SLC12A7: variants seen among roughly 807,000 people sequenced by gnomAD.
SLC12A7 encodes solute carrier family 12 member 7, also known as K-Cl cotransporter 4.
SLC12A7 carries 100 observed loss-of-function variants against 120.6 expected under a neutral mutation model. The ratio of observed to expected loss-of-function variants is 0.83; its 90% CI spans 0.71 to 0.98. The LOEUF (loss-of-function observed/expected upper bound fraction) is 0.98. SLC12A7 is among the 50% of genes least tolerant of loss of function. The pLI is 0.00. For missense variants in SLC12A7, 1,373 were observed against 1,548.1 expected (o/e 0.89, Z 1.90); for synonymous variants, 760 against 678.0 (o/e 1.12, Z -1.88).
intron 20 of SLC12A7, 44 bp from the exon 21 acceptor site, chr5:1,060,495 C>T (rs746611184): frequency 1.4e-6 from 2 of 1,441,754 alleles, no homozygotes; most frequent in Non-Finnish European, 2.0e-6. Flanking sequence ...GTGCACAGAA[C>T]CACGGATGGC....
chr5:1,149,783 C>T, the SLC12A7 span, among the ~76,000 whole-genome samples: 1 of 152,098 alleles, frequency 6.6e-6, no homozygotes, highest in Non-Finnish European at 1.5e-5. Flanking sequence ...TATCCCAGCA[C>T]TTTGGGAGGC....
chr5:1,076,132 C>T lies in SLC12A7; in HGVS notation c.1847+6G>A, dbSNP rs749306863. 2 of 1,607,814 alleles carry T rather than the reference C, an allele frequency of 1.2e-6. No individual in the cohort carries two copies. Among genetic ancestry groups the T allele is most frequent in the South Asian group, 2.2e-5 (2 of 90,036 alleles). On this transcript the variant is annotated splice_donor_region_variant and intron_variant, in intron 14 of 23. Transcript: ENST00000264930. ...GGCTCCTCACGCCCGTGCTGAGTGG[C>T]CTCACCAGTGGTAGAACTTGAAGCG...
chr5:1,079,986 G>A (rs1201282947), intron 9 of SLC12A7, among the ~76,000 whole-genome samples: 4 of 152,196 alleles, frequency 2.6e-5, no homozygotes, highest in Non-Finnish European at 2.9e-5. Context: ...CCACACAATC[G>A]GCTCCTACAA....
At chr5:1,091,861 A>G (rs1413137666) in intron 3 of SLC12A7, among the ~76,000 whole-genome samples, 1 of 151,766 alleles carries the variant, frequency 6.6e-6, no homozygotes, top group Non-Finnish European at 1.5e-5. Flanking sequence ...GCAACACCCA[A>G]TTCCGCAGCG....
intron 1 of SLC12A7, among the ~76,000 whole-genome samples, chr5:1,096,774 AG>A (rs1561098145): frequency 1.5e-4 from 1 of 6,784 alleles, no homozygotes; most frequent in Non-Finnish European, 3.1e-4. Context: ...GAAAGGAGGG[AG>A]GGGGGGAGGG....
chr5:1,114,547 G>A (rs368645811), upstream of SLC12A7, among the ~76,000 whole-genome samples: 75 of 152,244 alleles, frequency 4.9e-4, no homozygotes, highest in African/African-American at 1.7e-3. Flanking sequence ...AATGTGCGTT[G>A]TGTGACTTTC....
At chr5:1,078,838 T>C (rs865917539) in intron 10 of SLC12A7, 80 bp from the exon 11 acceptor site, 14 of 21,940 alleles carry the variant, frequency 6.4e-4, no homozygotes, top group Admixed American at 2.1e-3. Flanking sequence ...TGGGGTGGGG[T>C]GGGTGGGGAG....
At chr5:1,096,092 A>AAAAAGATCTC (rs1315533887) in intron 1 of SLC12A7, among the ~76,000 whole-genome samples, 2 of 152,238 alleles carry the variant, frequency 1.3e-5, no homozygotes, top group Non-Finnish European at 2.9e-5. Context: ...GTGAGATCTG[A>AAAAAGATCTC]AAAAGATCTC....
At chr5:1,115,362 G>A (rs1327936045), upstream of SLC12A7, among the ~76,000 whole-genome samples, 9 of 152,334 alleles carry the variant, frequency 5.9e-5, no homozygotes, top group South Asian at 4.1e-4. Flanking sequence ...CCAGGAGGCC[G>A]CTCGTGCCCA....
At chr5:1,141,111 G>T in the SLC12A7 span, among the ~76,000 whole-genome samples, 1 of 152,210 alleles carries the variant, frequency 6.6e-6, no homozygotes, top group Admixed American at 6.5e-5. Flanking sequence ...GTGTGTGGCT[G>T]GGCTGCTCCC....
the SLC12A7 span, among the ~76,000 whole-genome samples, chr5:1,153,690 C>T: frequency 2.0e-5 from 3 of 152,224 alleles, no homozygotes; most frequent in South Asian, 6.2e-4. Context: ...GAGAACCCTG[C>T]AGCCCTGACT....
At chr5:1,124,409 G>A in the SLC12A7 span, among the ~76,000 whole-genome samples, 4 of 152,182 alleles carry the variant, frequency 2.6e-5, no homozygotes, top group Admixed American at 6.5e-5. Context: ...ACCATGGGAG[G>A]GTGCTTCCAA....
chr5:1,065,655 A>G (rs2150806203), intron 17 of SLC12A7, among the ~76,000 whole-genome samples, 177 bp from the exon 18 acceptor site: 1 of 152,190 alleles, frequency 6.6e-6, no homozygotes, highest in Non-Finnish European at 1.5e-5. Context: ...GTATGTGTGT[A>G]TGTGCGTGCT....
rs78185827 is a variant in SLC12A7 at position 1,098,816 on chromosome 5, C to T, written c.125-4568G>A. Among the ~76,000 whole-genome samples the T allele has an allele frequency of 8.0e-4, 111 of 138,884 alleles. 14 individuals are homozygous for T. Among genetic ancestry groups the T allele is most frequent in the African/African-American group, 3.5e-3 (103 of 29,832 alleles). 91.1% of individuals were successfully genotyped at this position (138,884 alleles called of 152,430 possible). On this transcript the variant is annotated intron_variant, in intron 1 of 23. Transcript: ENST00000264930. ...CTCTAACCCTCTGCTCACCCAGCCG[C>T]GTCCCTTGCGCTCCCTGGCCTGGAC... is the stretch of plus-strand genomic sequence containing the variant.
At chr5:1,055,489 C>T (rs905967632) in intron 22 of SLC12A7, among the ~76,000 whole-genome samples, 6 of 152,230 alleles carry the variant, frequency 3.9e-5, no homozygotes, top group Non-Finnish European at 7.3e-5. Flanking sequence ...TCCAGATCTT[C>T]GGAGGGCTTC....
rs1734969625 is a variant in SLC12A7, at chr5:1,050,945, G to C, written c.*1415C>G. 1 of 398,674 alleles carries C rather than the reference G, an allele frequency of 2.5e-6. No individual in the cohort carries two copies. Among genetic ancestry groups the C allele is most frequent in the Admixed American group, 4.4e-5 (1 of 22,742 alleles). The allele number at this position is 398,674 out of a possible 1,614,324, so 24.7% of individuals were successfully genotyped here. On this transcript the variant is annotated 3_prime_UTR_variant, in exon 24 of 24. Coordinates refer to ENST00000264930, the MANE Select transcript of SLC12A7 (RefSeq NM_006598.3). ...GGGGCTGATTCCCTTGGGAGACCATGCAAGCCAGACGTAGCCCAAGGCCTG... is the reference window on the plus strand; with the variant it reads ...GGGGCTGATTCCCTTGGGAGACCATCCAAGCCAGACGTAGCCCAAGGCCTG...
chr5:1,077,323 C>T (rs1476882969), intron 12 of SLC12A7, among the ~76,000 whole-genome samples: 1 of 152,218 alleles, frequency 6.6e-6, no homozygotes, highest in Admixed American at 6.5e-5. Flanking sequence ...CTGCCATCCA[C>T]GACCTTCCCA....
chr5:1,120,364 C>T, the SLC12A7 span, among the ~76,000 whole-genome samples: 3 of 152,360 alleles, frequency 2.0e-5, no homozygotes, highest in South Asian at 2.1e-4. Flanking sequence ...AGCAAGGAAA[C>T]GCTGAACCCG....
rs1290982292 is a variant in SLC12A7, at chr5:1,111,980, G to A, written c.12C>T (p.Asn4=). 4 of 1,285,234 alleles carry A rather than the reference G, an allele frequency of 3.1e-6. No individual in the cohort carries two copies. Among genetic ancestry groups the A allele is most frequent in the Non-Finnish European group, 3.9e-6 (4 of 1,016,478 alleles). The allele number at this position is 1,285,234 out of a possible 1,614,324, so 79.6% of individuals were successfully genotyped here. A position where few individuals can be genotyped will look rare whatever the true frequency, so the allele number is the denominator to read the frequency against. The change falls in exon 1 of 24, where the codon AAC becomes AAT. Residue 4 remains asparagine (N), a synonymous_variant. Coordinates refer to ENST00000264930, the MANE Select transcript of SLC12A7 (RefSeq NM_006598.3). ...GAGCCTCCACGGGCACCACGGTGAA[G>A]TTGGTGGGCATGGCCGCCTGCAGCC... is the stretch of plus-strand genomic sequence containing the variant. The part of the protein sequence containing the change: MPT[N]FTVVPVEAHA...
Sources: allele counts gnomAD v4.1 joint callset (sites outside exome capture counted in the v4.1 genomes callset), GRCh38; gene constraint gnomAD v4.1.1; transcripts MANE v1.5; gene names NCBI Gene and HGNC (gene_info 2026-07-23, HGNC 2026-07-21).